The following TRABD2B variants were observed in gnomAD, a reference collection of about 807,000 sequenced individuals.
The protein encoded by TRABD2B is metalloprotease TIKI2.
Under a neutral mutation model 40.1 loss-of-function variants are expected in TRABD2B, and 14 were observed. The observed-to-expected ratio is 0.35, with a 90% CI of 0.23 to 0.55. The LOEUF (loss-of-function observed/expected upper bound fraction) is 0.55. Ranked by LOEUF, TRABD2B falls within the 20% of genes least tolerant of loss-of-function variation. The pLI is 0.90. For synonymous variants in TRABD2B, 263 were observed against 277.0 expected, an observed-to-expected ratio of 0.95 and a Z score of 0.50; for missense variants, 541 against 648.6, an observed-to-expected ratio of 0.83 and a Z score of 1.80.
intron 2 of TRABD2B, among the ~76,000 whole-genome samples, chr1:47,887,918 A>G (rs1380871655): frequency 6.6e-6 from 1 of 152,106 alleles, no homozygotes; most frequent in African/African-American, 2.4e-5. Flanking sequence ...AAATGTTTCC[A>G]TTTCCCTGAC....
chr1:47,968,440 T>A (rs1645634283), intron 2 of TRABD2B, among the ~76,000 whole-genome samples: 1 of 152,208 alleles, frequency 6.6e-6, no homozygotes, highest in African/African-American at 2.4e-5. Context: ...ACAATAACTC[T>A]TAGCTGTCTG....
intron 4 of TRABD2B, among the ~76,000 whole-genome samples, chr1:47,793,281 G>A (rs962982457): frequency 2.0e-5 from 3 of 152,144 alleles, no homozygotes; most frequent in African/African-American, 7.2e-5. Flanking sequence ...CAGAGATCCT[G>A]CATGAACCCA....
chr1:47,884,599 T>A (rs1190622886), intron 2 of TRABD2B, among the ~76,000 whole-genome samples: 1 of 152,086 alleles, frequency 6.6e-6, no homozygotes, highest in Non-Finnish European at 1.5e-5. Flanking sequence ...GCCAGGGTCA[T>A]CTTTTTATTT....
At chr1:47,796,744 C>T (rs1335660593) in intron 3 of TRABD2B, among the ~76,000 whole-genome samples, 1 of 152,182 alleles carries the variant, frequency 6.6e-6, no homozygotes, top group Non-Finnish European at 1.5e-5. Context: ...AGCAGTGTTG[C>T]TAGTGCCCAA....
intron 6 of TRABD2B, among the ~76,000 whole-genome samples, chr1:47,773,055 T>C (rs1193479631): frequency 6.6e-6 from 1 of 152,246 alleles, no homozygotes. Flanking sequence ...GAAATTTACC[T>C]TCAGACATGG....
At chr1:47,792,494 A>C (rs1644688489) in intron 4 of TRABD2B, among the ~76,000 whole-genome samples, 1 of 151,998 alleles carries the variant, frequency 6.6e-6, no homozygotes, top group South Asian at 2.1e-4. Flanking sequence ...GATGGGTGTG[A>C]GGTCTTTCTG....
intron 2 of TRABD2B, among the ~76,000 whole-genome samples, chr1:47,895,350 G>C (rs1469661922): frequency 6.6e-6 from 1 of 152,122 alleles, no homozygotes; most frequent in East Asian, 1.9e-4. Flanking sequence ...AGCACTGAGC[G>C]AGCTGTGGGT....
At chr1:47,780,632 G>T (rs566389759) in intron 4 of TRABD2B, among the ~76,000 whole-genome samples, 1 of 152,148 alleles carries the variant, frequency 6.6e-6, no homozygotes, top group Non-Finnish European at 1.5e-5. Flanking sequence ...TCCTGGAGGG[G>T]GCACTGCTAG....
chr1:47,808,017 CT>C (rs1215596250), intron 2 of TRABD2B, among the ~76,000 whole-genome samples: 1 of 152,156 alleles, frequency 6.6e-6, no homozygotes, highest in African/African-American at 2.4e-5. Flanking sequence ...TTTGGTCAAA[CT>C]TTTTTTAGAT....
chr1:47,872,788 G>T (rs1644163554), intron 2 of TRABD2B, among the ~76,000 whole-genome samples: 1 of 152,150 alleles, frequency 6.6e-6, no homozygotes, highest in East Asian at 1.9e-4. Context: ...GAAGGTCCAG[G>T]GAGTGGGGGG....
At chr1:47,846,294 C>T (rs951984356) in intron 2 of TRABD2B, among the ~76,000 whole-genome samples, 3 of 152,196 alleles carry the variant, frequency 2.0e-5, no homozygotes, top group African/African-American at 7.2e-5. Flanking sequence ...AAGAGGGATG[C>T]CAAGAGCTGC....
Position 47,996,840 on chromosome 1 carries a change from G to A in TRABD2B, c.-51C>T. The A allele has an allele frequency of 8.6e-7, 1 of 1,164,096 alleles. No homozygotes were observed. Among genetic ancestry groups the A allele is most frequent in the Non-Finnish European group, 1.1e-6 (1 of 944,646 alleles). 72.1% of individuals were successfully genotyped at this position (1,164,096 alleles called of 1,614,324 possible). A position where few individuals can be genotyped will look rare whatever the true frequency, so the allele number is the denominator to read the frequency against. On this transcript the variant is annotated 5_prime_UTR_variant, in exon 1 of 7. Transcript: ENST00000606738. This position sits in a 1 kb window ranked among gnomAD's most constrained non-coding sequence, Gnocchi z 4.6. ...GGACCCTCCTGGGCGGCGCCCCTCA[G>A]CGGGGCGGGGAGCCCCCAGTTGGGC...
At chr1:47,803,074 C>T (rs58112261) in intron 2 of TRABD2B, among the ~76,000 whole-genome samples, 2,410 of 152,248 alleles carry the variant, frequency 0.016, 55 homozygotes, top group African/African-American at 0.054. Flanking sequence ...TAGGGAAATC[C>T]GGCTCCCTCG....
intron 2 of TRABD2B, among the ~76,000 whole-genome samples, chr1:47,816,548 C>T (rs765645953): frequency 9.2e-5 from 14 of 152,098 alleles, no homozygotes; most frequent in Admixed American, 3.9e-4. Flanking sequence ...TCCTTCTGCC[C>T]GGTATGCCAT....
At chr1:47,962,172 T>A (rs577573333) in intron 2 of TRABD2B, among the ~76,000 whole-genome samples, 36 of 151,056 alleles carry the variant, frequency 2.4e-4, no homozygotes, top group East Asian at 1.4e-3. Context: ...ATGAGAACAC[T>A]TGGACACGGG....
chr1:47,797,566 A>T (rs981406464), intron 3 of TRABD2B, among the ~76,000 whole-genome samples: 1 of 152,156 alleles, frequency 6.6e-6, no homozygotes, highest in African/African-American at 2.4e-5. Flanking sequence ...AGTCAAAAAA[A>T]ATTAACAAGG....
chr1:47,871,457 C>T (rs902389403), intron 2 of TRABD2B, among the ~76,000 whole-genome samples: 5 of 152,194 alleles, frequency 3.3e-5, no homozygotes, highest in South Asian at 2.1e-4. Flanking sequence ...ACAGCCACCC[C>T]GCCACACGTA....
At chr1:47,890,923 T>C (rs1644436213) in intron 2 of TRABD2B, among the ~76,000 whole-genome samples, 1 of 152,222 alleles carries the variant, frequency 6.6e-6, no homozygotes, top group Non-Finnish European at 1.5e-5. Flanking sequence ...CCGGTTCCCA[T>C]CCCTATCTTG....
chr1:47,846,896 A>ACACACACACACGC (rs1557610238), intron 2 of TRABD2B, among the ~76,000 whole-genome samples: 2 of 148,350 alleles, frequency 1.3e-5, no homozygotes, highest in South Asian at 2.2e-4. Flanking sequence ...ACACACACAC[A>ACACACACACACGC]AATGAGGGCT....
Sources: gnomAD v4.1 joint callset for allele counts (sites outside exome capture counted in the v4.1 genomes callset) on GRCh38, gnomAD v4.1.1 for gene constraint, Gnocchi (gnomAD v3.1) non-coding constraint, MANE v1.5 for transcripts, NCBI Gene and HGNC (gene_info 2026-07-23, HGNC 2026-07-21) for gene names.